FAAP100: variants seen among roughly 807,000 people sequenced by gnomAD.
FAAP100 encodes the protein Fanconi anemia core complex-associated protein 100.
In FAAP100, 46 loss-of-function variants were observed where a neutral mutation model predicts 65.8. The observed-to-expected ratio is 0.70, with a 90% confidence interval of 0.55 to 0.89. The LOEUF (loss-of-function observed/expected upper bound fraction) is 0.89. FAAP100 is among the 40% of genes least tolerant of loss of function. The probability of loss-of-function intolerance (pLI) is 0.00; values close to 1 mark genes in which losing one functional copy is unlikely to be tolerated. For missense variants in FAAP100, 1,165 were observed against 1,196.7 expected (o/e 0.97, Z 0.39); for synonymous variants, 663 against 555.1 (o/e 1.19, Z -2.73).
intron 5 of FAAP100, 73 bp from the exon 6 acceptor site, chr17:81,545,955 C>G: frequency 6.6e-7 from 1 of 1,519,956 alleles, no homozygotes; most frequent in Non-Finnish European, 8.8e-7. Context: ...ACCAGGTGGG[C>G]ATCTGCATAC....
In FAAP100 at chr17:81,539,945, C is replaced by A. The variant is rs187044215; in HGVS notation, c.*874G>T. The A allele has an allele frequency of 6.8e-5, 27 of 398,754 alleles. No individual in the cohort carries two copies. The highest frequency in any genetic ancestry group is 2.6e-4 in the Admixed American group (6 of 22,728). The allele number at this position is 398,754 out of a possible 1,614,324, so 24.7% of individuals were successfully genotyped here. A position where few individuals can be genotyped will look rare whatever the true frequency, so the allele number is the denominator to read the frequency against. On this transcript the variant is annotated 3_prime_UTR_variant, in exon 9 of 9. Coordinates refer to ENST00000327787, the MANE Select transcript of FAAP100 (RefSeq NM_025161.6). ...GCAGAGAAGCACCTCACGGCTCCTA[C>A]CCGCACTCATCGCGGACAGTGCCTG...
intron 4 of FAAP100, among the ~76,000 whole-genome samples, chr17:81,548,896 C>T (rs1055365413): frequency 2.0e-5 from 3 of 151,804 alleles, no homozygotes; most frequent in Admixed American, 2.0e-4. Context: ...AAAAATTAGC[C>T]GGGCGTGGTG....
intron 7 of FAAP100, 142 bp downstream of exon 7, chr17:81,543,862 A>T: frequency 1.4e-6 from 1 of 738,494 alleles, no homozygotes; most frequent in East Asian, 2.8e-5. Flanking sequence ...CACCGCACTC[A>T]GCGGCAGAGC....
At chr17:81,548,920 G>GGGAC (rs746610249) in intron 4 of FAAP100, among the ~76,000 whole-genome samples, 7 of 151,044 alleles carry the variant, frequency 4.6e-5, no homozygotes, top group Non-Finnish European at 1.0e-4. Context: ...GGCGCCTGTA[G>GGGAC]TCCCAGCTAC....
intron 4 of FAAP100, 74 bp from the exon 5 acceptor site, chr17:81,547,752 C>G: frequency 3.3e-6 from 5 of 1,532,538 alleles, no homozygotes; most frequent in Non-Finnish European, 4.5e-6. Flanking sequence ...TGACTCAGGC[C>G]TGGTAGGCAC....
At chr17:81,545,631 G>T in intron 6 of FAAP100, 115 bp downstream of exon 6, 1 of 1,367,684 alleles carries the variant, frequency 7.3e-7, no homozygotes, top group Non-Finnish European at 9.8e-7. Flanking sequence ...CGGGAAGCTT[G>T]GGAAAAGGCT....
upstream of FAAP100, chr17:81,552,432 T>C (rs1220212483): frequency 2.7e-6 from 3 of 1,120,952 alleles, no homozygotes; most frequent in African/African-American, 1.6e-5. Context: ...ACCTCCGCCG[T>C]AAAGCGGTCG....
At chr17:81,549,748 A>C (rs1002153818) in intron 3 of FAAP100, among the ~76,000 whole-genome samples, 2 of 152,226 alleles carry the variant, frequency 1.3e-5, no homozygotes, top group African/African-American at 4.8e-5. Flanking sequence ...AACACTGGGC[A>C]CACACAGCTA....
chr17:81,552,114 G>T (rs932507048), intron 1 of FAAP100, 52 bp downstream of exon 1: 2 of 1,465,038 alleles, frequency 1.4e-6, no homozygotes, highest in African/African-American at 3.0e-5. Context: ...TCATTTTCAC[G>T]CGAACCGCCG....
intron 8 of FAAP100, 67 bp downstream of exon 8, chr17:81,541,239 AGGG>A: frequency 6.8e-7 from 1 of 1,474,912 alleles, no homozygotes; most frequent in South Asian, 1.2e-5. Context: ...GAGTGACTAG[AGGG>A]GGGCCTGGCG....
Position 81,549,361 on chromosome 17 carries a change from A to G in FAAP100, c.1248T>C (p.Gly416=), listed in dbSNP as rs776636212. 3 of 1,604,516 alleles carry G rather than the reference A, an allele frequency of 1.9e-6. No individual in the cohort carries two copies. The African/African-American group carries it at 4.0e-5, about 21-fold the overall frequency. The change falls in exon 4 of 9, where the codon GGT becomes GGC. Residue 416 remains glycine, a splice_region_variant and synonymous_variant. Coordinates refer to ENST00000327787, the MANE Select transcript of FAAP100 (RefSeq NM_025161.6). ...SLSASPRTHE[G]GTKLLALSAK... ...CGGACAGGGCCAGGAGCTTGGTGCC[A>G]CCTGGTGACAGACACACATGGGGCC...
Position 81,551,134 on chromosome 17 carries a change from G to A in FAAP100, c.360C>T (p.Pro120=), listed in dbSNP as rs567538069. ...CAGCATCGGGAAGGATGCAGGCATC[G>A]GGGTCCACAGGGATCACGGGGGAAG... The part of the protein sequence containing the change: ...DQPSPVIPVD[P]DACILPDAAL... Residue 120 remains proline, a synonymous_variant, in exon 3 of 9, where the codon CCC becomes CCT. Transcript: ENST00000327787. 1.2e-5 allele frequency: 18 copies of A among 1,550,064 alleles called. No individual in the cohort carries two copies. Among genetic ancestry groups the A allele is most frequent in the South Asian group, 8.3e-5 (7 of 84,152 alleles).
rs1209792891 is a variant in FAAP100, at chr17:81,550,389, CCACACAGAGGT to C, written c.1094_1104del (p.Asp365GlyfsTer13). 1 of 1,612,808 alleles carries C rather than the reference CCACACAGAGGT, an allele frequency of 6.2e-7. No homozygotes were observed. Among genetic ancestry groups the C allele is most frequent in the Non-Finnish European group, 8.5e-7 (1 of 1,180,012 alleles). ...GGGGTGCTTCCCCGAGACAGATCCA[CCACACAGAGGT>C]CAGAAGGGGTGCTGTGGTACACGCG... is the stretch of plus-strand genomic sequence containing the variant. On this transcript the variant is annotated frameshift_variant, in exon 3 of 9. Transcript: ENST00000327787. LOFTEE classifies it high-confidence loss of function.
intron 3 of FAAP100, 110 bp from the exon 4 acceptor site, chr17:81,549,472 C>T: frequency 1.5e-6 from 2 of 1,327,772 alleles, no homozygotes; most frequent in Admixed American, 4.7e-5. Flanking sequence ...ACGGCCAAGG[C>T]CAGTGTCCAG....
chr17:81,550,113 A>G, intron 3 of FAAP100, 135 bp downstream of exon 3: 1 of 859,812 alleles, frequency 1.2e-6, no homozygotes, highest in Non-Finnish European at 1.8e-6. Context: ...AGAGTTAACC[A>G]CTAGGCTGTA....
chr17:81,545,994 T>C (rs2033285748), intron 5 of FAAP100, 112 bp from the exon 6 acceptor site: 1 of 1,364,182 alleles, frequency 7.3e-7, no homozygotes, highest in Middle Eastern at 2.6e-4. Context: ...CCCAGAGCCA[T>C]CTAAGCATCC....
intron 1 of FAAP100, 54 bp from the exon 2 acceptor site, chr17:81,552,106 A>G (rs1449973898): frequency 6.8e-6 from 10 of 1,463,070 alleles, no homozygotes; most frequent in Non-Finnish European, 8.1e-6. Flanking sequence ...CGCGGTCTTC[A>G]TTTTCACGCG....
chr17:81,551,636 C>A (rs768805013), intron 2 of FAAP100: 1 of 1,230,386 alleles, frequency 8.1e-7, no homozygotes, highest in African/African-American at 1.6e-5. Flanking sequence ...GACCCAACCT[C>A]GGGGGCGTGT....
intron 7 of FAAP100, among the ~76,000 whole-genome samples, chr17:81,542,392 CAAAT>C (rs775061262): frequency 3.5e-4 from 53 of 150,968 alleles, no homozygotes; most frequent in African/African-American, 1.2e-3. Flanking sequence ...CTCAAACAAA[CAAAT>C]AAAACTAAAT....
Sources: allele counts gnomAD v4.1 joint callset (sites outside exome capture counted in the v4.1 genomes callset), GRCh38; gene constraint gnomAD v4.1.1; transcripts MANE v1.5; gene names NCBI Gene and HGNC (gene_info 2026-07-23, HGNC 2026-07-21).